The following PGM2 variants were observed in gnomAD, a reference collection of about 807,000 sequenced individuals.
PGM2 encodes phosphoglucomutase 2, also known as phosphopentomutase.
A neutral mutation model predicts 74.6 loss-of-function variants in PGM2; 57 were observed. That is an observed-to-expected ratio of 0.76 (90% CI 0.62 to 0.95). The LOEUF (loss-of-function observed/expected upper bound fraction) is 0.95. PGM2 is among the 40% of genes least tolerant of loss of function. The pLI is 0.00. For synonymous variants in PGM2, 273 were observed against 260.7 expected, an observed-to-expected ratio of 1.05 and a Z score of -0.46; for missense variants, 706 against 741.9, an observed-to-expected ratio of 0.95 and a Z score of 0.56.
At chr4:37,836,036 T>C (rs1011052634) in intron 3 of PGM2, among the ~76,000 whole-genome samples, 1 of 152,220 alleles carries the variant, frequency 6.6e-6, no homozygotes, top group Non-Finnish European at 1.5e-5. Flanking sequence ...GATCCTTTGC[T>C]CAGAGCATGC....
chr4:37,837,498 C>T (rs780299067), intron 3 of PGM2, 31 bp from the exon 4 acceptor site: 1 of 1,355,740 alleles, frequency 7.4e-7, no homozygotes. Context: ...ACTCAACTCT[C>T]CTTTTCTTCC....
intron 12 of PGM2, among the ~76,000 whole-genome samples, chr4:37,852,717 A>G (rs1726086262): frequency 6.6e-6 from 1 of 152,144 alleles, no homozygotes; most frequent in African/African-American, 2.4e-5. Flanking sequence ...ATGTAAGGTT[A>G]TTGATGCCAT....
In PGM2 at chr4:37,834,536, C is replaced by T. The variant is rs544153644; in HGVS notation, c.250-82C>T. ...TAGTGTTCTATGAAATTTGAGAAAACTTAATTTTTGGCTAATTTTTCTATA... is the reference window on the plus strand; with the variant it reads ...TAGTGTTCTATGAAATTTGAGAAAATTTAATTTTTGGCTAATTTTTCTATA... On this transcript the variant is annotated intron_variant, in intron 2 of 13. Transcript: ENST00000381967. 6.8e-4 allele frequency: 465 copies of T among 685,354 alleles called. 3 individuals carry two copies. The African/African-American group carries it at 7.5e-3, about 11-fold the overall frequency. 42.5% of individuals were successfully genotyped at this position (685,354 alleles called of 1,614,324 possible).
At chr4:37,843,693 T>A (rs1442575584) in intron 6 of PGM2, among the ~76,000 whole-genome samples, 1 of 151,614 alleles carries the variant, frequency 6.6e-6, no homozygotes, top group Non-Finnish European at 1.5e-5. Flanking sequence ...CACTGCAACC[T>A]CCACCTCCCA....
chr4:37,841,072 G>GTATATATATATATATATATATATATA (rs36127170), intron 6 of PGM2, among the ~76,000 whole-genome samples: 13 of 113,784 alleles, frequency 1.1e-4, no homozygotes, highest in South Asian at 6.6e-4. Context: ...ATATGCAAGC[G>GTATATATATATATATATATATATATA]TATATATATA....
chr4:37,847,554 C>T (rs571373627), intron 10 of PGM2: 35 of 408,718 alleles, frequency 8.6e-5, no homozygotes, highest in African/African-American at 6.7e-4. Context: ...GCTTGGCTGC[C>T]GGTACATGTA....
chr4:37,860,222 A>G (rs1203355158), intron 13 of PGM2, among the ~76,000 whole-genome samples: 3 of 152,230 alleles, frequency 2.0e-5, no homozygotes, highest in Non-Finnish European at 4.4e-5. Flanking sequence ...CTTCCTGAGA[A>G]CTGTTATTTT....
intron 2 of PGM2, among the ~76,000 whole-genome samples, chr4:37,831,451 C>T (rs1472618185): frequency 6.6e-6 from 1 of 152,186 alleles, no homozygotes; most frequent in East Asian, 1.9e-4. Flanking sequence ...CACAAATCTG[C>T]AATTTTGGTA....
Position 37,848,584 on chromosome 4 carries a change from G to A in PGM2, c.1345G>A (p.Glu449Lys), listed in dbSNP as rs367954920. The A allele has an allele frequency of 3.7e-5, 60 of 1,613,652 alleles. No homozygotes were observed. Among genetic ancestry groups the A allele is most frequent in the Non-Finnish European group, 4.8e-5 (57 of 1,179,632 alleles). ...AGTCAGTGCCGCTGTCATAAGTGCA[G>A]AGTTGGCTAGCTTCCTAGCAACCAA... ...DGVSAAVISA[E>K]LASFLATKNL... Residue 449 changes from glutamate to lysine, a missense_variant, in exon 11 of 14, where the codon GAG becomes AAG. Glu to Lys is a moderately conservative substitution (Grantham distance 56). Coordinates refer to ENST00000381967, the MANE Select transcript of PGM2 (RefSeq NM_018290.4).
At chr4:37,839,728 T>C (rs1162073321) in intron 4 of PGM2, 120 bp from the exon 5 acceptor site, 1 of 702,064 alleles carries the variant, frequency 1.4e-6, no homozygotes, top group Non-Finnish European at 2.6e-6. Flanking sequence ...ATTATGCTAT[T>C]TATATATTAT....
chr4:37,858,328 TTTTTTTGTTTTG>T (rs1560422469), intron 13 of PGM2, among the ~76,000 whole-genome samples: 1 of 144,958 alleles, frequency 6.9e-6, no homozygotes, highest in East Asian at 2.0e-4. Flanking sequence ...GCAATAAAGT[TTTTTTTGTTTTG>T]TTTTTTGTTT....
intron 6 of PGM2, among the ~76,000 whole-genome samples, chr4:37,841,770 C>T (rs1016465835): frequency 6.6e-6 from 1 of 152,206 alleles, no homozygotes; most frequent in African/African-American, 2.4e-5. Flanking sequence ...TCTGCTTTTC[C>T]ACTCCAGGTA....
intron 11 of PGM2, among the ~76,000 whole-genome samples, chr4:37,849,051 CAA>C (rs1725957305): frequency 7.6e-6 from 1 of 131,128 alleles, no homozygotes; most frequent in African/African-American, 2.9e-5. Context: ...GCCTGGGTGA[CAA>C]GAGCTAAACT....
chr4:37,860,072 A>G lies in PGM2; in HGVS notation c.1737-1438A>G, dbSNP rs140525611. On this transcript the variant is annotated intron_variant, in intron 13 of 13. Transcript: ENST00000381967. ...TTTTCACACATAAAATGCAATATCA[A>G]AAACATATCACTGCATACATGAATC... is the stretch of plus-strand genomic sequence containing the variant. Among the ~76,000 whole-genome samples the G allele has an allele frequency of 2.3e-3, 346 of 152,326 alleles. 4 individuals carry two copies. The highest frequency in any genetic ancestry group is 7.9e-3 in the African/African-American group (328 of 41,586).
At position 37,848,551 on chromosome 4, in the gene PGM2, A is replaced by G. The variant is rs554752385; in HGVS notation, c.1312A>G (p.Lys438Glu). 11 of 1,613,714 alleles carry G rather than the reference A, an allele frequency of 6.8e-6. No individual in the cohort carries two copies. In the East Asian group the frequency reaches 1.8e-4, roughly 26 times the overall value. The part of the protein sequence containing the change: ...GYMCCPFVLD[K>E]DGVSAAVISA... Reference sequence around the variant, plus strand: ...CATGTGCTGCCCTTTTGTTCTGGACAAAGATGGAGTCAGTGCCGCTGTCAT... The same window carrying G: ...CATGTGCTGCCCTTTTGTTCTGGACGAAGATGGAGTCAGTGCCGCTGTCAT... Residue 438 changes from lysine (K) to glutamate (E), a missense_variant, in exon 11 of 14, where the codon AAA becomes GAA. By Grantham distance (56) the Lys-to-Glu change is moderately conservative. Coordinates refer to ENST00000381967, the MANE Select transcript of PGM2 (RefSeq NM_018290.4).
intron 6 of PGM2, among the ~76,000 whole-genome samples, chr4:37,841,644 A>G (rs988632545): frequency 5.3e-5 from 8 of 152,138 alleles, no homozygotes; most frequent in Non-Finnish European, 1.0e-4. Context: ...TGTGTGTGAA[A>G]TCTCCTAATT....
At chr4:37,851,936 A>G (rs35619511) in intron 12 of PGM2, among the ~76,000 whole-genome samples, 76,760 of 146,074 alleles carry the variant, frequency 0.53, 21,064 homozygotes, top group Non-Finnish European at 0.61. Flanking sequence ...TGTATAGAGA[A>G]TTGTATTTCC....
intron 11 of PGM2, among the ~76,000 whole-genome samples, chr4:37,849,526 C>A (rs1341186018): frequency 6.8e-6 from 1 of 147,644 alleles, no homozygotes; most frequent in Non-Finnish European, 1.5e-5. Context: ...ATTCTCCTAC[C>A]TCAGCCTCCC....
At chr4:37,856,253 C>G (rs5019417) in intron 13 of PGM2, among the ~76,000 whole-genome samples, 151,000 of 151,104 alleles carry the variant, frequency 1, 75,448 homozygotes, top group Middle Eastern at 1. Context: ...GGCGTGGTGG[C>G]GGGCGCCTGT....
Sources: gnomAD v4.1 joint callset for allele counts (sites outside exome capture counted in the v4.1 genomes callset) on GRCh38, gnomAD v4.1.1 for gene constraint, MANE v1.5 for transcripts, NCBI Gene and HGNC (gene_info 2026-07-23, HGNC 2026-07-21) for gene names.